Variants in G2E3 observed in about 807,000 individuals in gnomAD.
G2E3 encodes the protein G2/M-phase specific E3 ubiquitin protein ligase, also known as G2/M phase-specific E3 ubiquitin-protein ligase.
A neutral mutation model predicts 92.8 loss-of-function variants in G2E3; 35 were observed. The ratio of observed to expected loss-of-function variants is 0.38; its 90% CI spans 0.29 to 0.50. The LOEUF is 0.50. Ranked by LOEUF, G2E3 falls within the 20% of genes least tolerant of loss-of-function variation. G2E3 has a pLI of 0.94. For synonymous variants in G2E3, 242 were observed against 272.4 expected, an observed-to-expected ratio of 0.89 and a Z score of 1.10; for missense variants, 554 against 823.8, an observed-to-expected ratio of 0.67 and a Z score of 4.01.
chr14:30,585,584 C>T (rs1880667342), intron 2 of G2E3, among the ~76,000 whole-genome samples: 1 of 150,988 alleles, frequency 6.6e-6, no homozygotes, highest in Non-Finnish European at 1.5e-5. Context: ...ATCTTCTCCC[C>T]CTTTTTTTTT....
chr14:30,603,455 T>C (rs1343372672), intron 10 of G2E3, among the ~76,000 whole-genome samples: 1 of 152,214 alleles, frequency 6.6e-6, no homozygotes, highest in Non-Finnish European at 1.5e-5. Flanking sequence ...TAAGTTTATA[T>C]AGATTTGCAA....
At position 30,592,421 on chromosome 14, in the gene G2E3, T is replaced by C. The variant is rs1881062856; in HGVS notation, c.336T>C (p.Cys112=). Residue 112 remains cysteine, a synonymous_variant, in exon 5 of 15, where the codon TGT becomes TGC. Coordinates refer to ENST00000206595, the MANE Select transcript of G2E3 (RefSeq NM_017769.5). ...TCCCATGTGGACTTCAGAGAGAATG[T>C]ATTTTCCAGTTTACTGGCAATTTTG... ...YHFPCGLQRE[C]IFQFTGNFAS... The C allele has an allele frequency of 1.9e-6, 3 of 1,588,000 alleles. No homozygotes were observed. The highest frequency in any genetic ancestry group is 2.6e-6 in the Non-Finnish European group (3 of 1,171,094).
chr14:30,567,833 A>G (rs1879529952), intron 1 of G2E3, among the ~76,000 whole-genome samples: 1 of 151,924 alleles, frequency 6.6e-6, no homozygotes, highest in African/African-American at 2.4e-5. Flanking sequence ...TTTAATCTCC[A>G]TATGTTTCTC....
intron 13 of G2E3, among the ~76,000 whole-genome samples, chr14:30,613,259 A>T (rs1214965563): frequency 6.6e-6 from 1 of 152,028 alleles, no homozygotes; most frequent in African/African-American, 2.4e-5. Context: ...CTTGTTATTG[A>T]CTCCAGTATT....
At chr14:30,584,774 G>A (rs1880612753) in intron 2 of G2E3, among the ~76,000 whole-genome samples, 1 of 149,678 alleles carries the variant, frequency 6.7e-6, no homozygotes, top group African/African-American at 2.5e-5. Flanking sequence ...AATGCATCCT[G>A]GCTACTAGAC....
At chr14:30,585,173 G>T (rs1444664361) in intron 2 of G2E3, among the ~76,000 whole-genome samples, 2 of 152,066 alleles carry the variant, frequency 1.3e-5, no homozygotes, top group African/African-American at 4.8e-5. Flanking sequence ...ACATTTTAAT[G>T]AAGTCCAATT....
chr14:30,571,357 A>G (rs1879752079), intron 1 of G2E3, among the ~76,000 whole-genome samples: 1 of 151,662 alleles, frequency 6.6e-6, no homozygotes, highest in African/African-American at 2.4e-5. Context: ...TGTGGATATA[A>G]ATCCTTTGTC....
chr14:30,600,530 TAAG>T (rs991088371), intron 8 of G2E3, among the ~76,000 whole-genome samples: 18 of 152,198 alleles, frequency 1.2e-4, no homozygotes, highest in African/African-American at 4.1e-4. Flanking sequence ...TATAGAATTT[TAAG>T]AAGCAATACA....
chr14:30,607,578 G>A (rs1368239509), intron 11 of G2E3, among the ~76,000 whole-genome samples: 1 of 152,106 alleles, frequency 6.6e-6, no homozygotes, highest in Non-Finnish European at 1.5e-5. Context: ...GACCACCTTA[G>A]TGTATTTGGT....
Position 30,619,984 on chromosome 14 carries a change from T to C in G2E3, c.*3450T>C, listed in dbSNP as rs1309013675. 1.3e-5 allele frequency: 2 copies of C among 152,178 alleles called. No homozygotes were observed. Among genetic ancestry groups the C allele is most frequent in the African/African-American group, 2.4e-5 (1 of 41,434 alleles). The allele number at this position is 152,178 out of a possible 1,614,324, so 9.4% of individuals were successfully genotyped here. On this transcript the variant is annotated 3_prime_UTR_variant, in exon 15 of 15. Coordinates refer to ENST00000206595, the MANE Select transcript of G2E3 (RefSeq NM_017769.5). ...TTAGTGTCTGACACCCAGGAACCTA[T>C]AGAAATGAGGGAATCTGTGTTAAAA...
intron 1 of G2E3, among the ~76,000 whole-genome samples, chr14:30,575,444 G>A (rs1421717957): frequency 6.6e-6 from 1 of 152,114 alleles, no homozygotes; most frequent in Non-Finnish European, 1.5e-5. Flanking sequence ...AAAGCTAGAA[G>A]CATTCCTCTT....
intron 8 of G2E3, among the ~76,000 whole-genome samples, chr14:30,600,559 T>C (rs1197623941): frequency 6.6e-6 from 1 of 152,224 alleles, no homozygotes; most frequent in African/African-American, 2.4e-5. Context: ...AATATTGATA[T>C]TTTTCAAATT....
chr14:30,590,293 A>T (rs229248), intron 4 of G2E3, among the ~76,000 whole-genome samples: 2,875 of 152,232 alleles, frequency 0.019, 95 homozygotes, highest in African/African-American at 0.065. Context: ...TCAAAGAAAG[A>T]TTATCCCATA....
chr14:30,577,214 A>G lies in G2E3; in HGVS notation c.-4-3862A>G, dbSNP rs1880153591. Among the ~76,000 whole-genome samples, 3 of 119,922 alleles carry G rather than the reference A, an allele frequency of 2.5e-5. No homozygotes were observed. The Admixed American group carries it at 3.1e-4, about 12-fold the overall frequency. 78.7% of individuals were successfully genotyped at this position (119,922 alleles called of 152,430 possible). A position where few individuals can be genotyped will look rare whatever the true frequency, so the allele number is the denominator to read the frequency against. The stretch of plus-strand genomic sequence containing the variant: ...CAATCCAGCCTAGCAACAGAGCAAG[A>G]CTCTGTCTCAAAAAAAAAAAAAAAA... On this transcript the variant is annotated intron_variant, in intron 1 of 14. Coordinates refer to ENST00000206595, the MANE Select transcript of G2E3 (RefSeq NM_017769.5).
At position 30,619,042 on chromosome 14, in the gene G2E3, T is replaced by G. The variant is rs1882444263; in HGVS notation, c.*2508T>G. On this transcript the variant is annotated 3_prime_UTR_variant, in exon 15 of 15. Coordinates refer to ENST00000206595, the MANE Select transcript of G2E3 (RefSeq NM_017769.5). ...GTTAATGGTTTTGGTTAGTTTGATATTCATTGTTTTTAAACACTTTCCAAT... is the reference window on the plus strand; with the variant it reads ...GTTAATGGTTTTGGTTAGTTTGATAGTCATTGTTTTTAAACACTTTCCAAT... 6.6e-6 allele frequency: 1 copy of G among 152,118 alleles called. No homozygotes were observed. Among genetic ancestry groups the G allele is most frequent in the Non-Finnish European group, 1.5e-5 (1 of 67,938 alleles). 9.4% of individuals were successfully genotyped at this position (152,118 alleles called of 1,614,324 possible). A position where few individuals can be genotyped will look rare whatever the true frequency, so the allele number is the denominator to read the frequency against.
intron 6 of G2E3, among the ~76,000 whole-genome samples, chr14:30,595,749 G>C (rs899406307): frequency 6.6e-6 from 1 of 152,124 alleles, no homozygotes; most frequent in African/African-American, 2.4e-5. Flanking sequence ...AACATATGGA[G>C]TCTTATCCAA....
chr14:30,597,550 TA>T (rs751652243), intron 7 of G2E3, 24 bp downstream of exon 7: 281 of 1,111,392 alleles, frequency 2.5e-4, no homozygotes, highest in East Asian at 5.0e-4. Flanking sequence ...AGCCTTATGA[TA>T]AAAAAAAGAT....
rs937556442 is a variant in G2E3 at position 30,619,857 on chromosome 14, CTAAG to C, written c.*3327_*3330del. The C allele has an allele frequency of 1.3e-5, 2 of 152,034 alleles. No individual in the cohort carries two copies. Among genetic ancestry groups the C allele is most frequent in the African/African-American group, 4.8e-5 (2 of 41,382 alleles). 9.4% of individuals were successfully genotyped at this position (152,034 alleles called of 1,614,324 possible). ...ACTAAAGGTAAACTGCCTATTTAAA[CTAAG>C]TAATTTTTTGGGATTTAATAAGATT... On this transcript the variant is annotated 3_prime_UTR_variant, in exon 15 of 15. Transcript: ENST00000206595.
chr14:30,561,369 C>A (rs920720856), intron 1 of G2E3, among the ~76,000 whole-genome samples: 2 of 152,218 alleles, frequency 1.3e-5, no homozygotes, highest in African/African-American at 4.8e-5. Flanking sequence ...TTCAGTCTCC[C>A]TCCAGATGTT....
Sources: gnomAD v4.1 joint callset for allele counts (sites outside exome capture counted in the v4.1 genomes callset) on GRCh38, gnomAD v4.1.1 for gene constraint, MANE v1.5 for transcripts, NCBI Gene and HGNC (gene_info 2026-07-23, HGNC 2026-07-21) for gene names.